Variants in KIR3DL2 observed in about 807,000 individuals in gnomAD.
KIR3DL2 encodes the protein killer cell immunoglobulin like receptor, three Ig domains and long cytoplasmic tail 2, also known as killer cell immunoglobulin-like receptor 3DL2.
In KIR3DL2, 42 loss-of-function variants were observed where a neutral mutation model predicts 41.6. The observed-to-expected ratio is 1.01, with a 90% CI of 0.79 to 1.31. The LOEUF is 1.31. KIR3DL2 is among the 50% of genes most tolerant of loss of function. The pLI is 0.00. For missense variants in KIR3DL2, 728 were observed against 576.8 expected (o/e 1.26, Z -2.68); for synonymous variants, 230 against 221.3 (o/e 1.04, Z -0.35).
At chr19:54,860,398 C>A (rs1378155732) in intron 6 of KIR3DL2, among the ~76,000 whole-genome samples, 8 of 151,952 alleles carry the variant, frequency 5.3e-5, no homozygotes, top group Non-Finnish European at 1.2e-4. Flanking sequence ...TGAGACGGAG[C>A]CTTGCTCTGT....
rs578221244 is a variant in KIR3DL2 at position 54,863,349 on chromosome 19, A to T, written c.1001-2456A>T. ...ATGTGTCTTTATAGCAGCATGATTT[A>T]TAGTCCTTTGGGTTTATACCCAGTA... is the stretch of plus-strand genomic sequence containing the variant. On this transcript the variant is annotated intron_variant, in intron 6 of 8. Coordinates refer to ENST00000326321, the MANE Select transcript of KIR3DL2 (RefSeq NM_006737.4). 7.3e-4 allele frequency among the ~76,000 whole-genome samples: 111 copies of T among 152,152 alleles called. 1 individual carries two copies. The highest frequency in any genetic ancestry group is 1.2e-4 in the Non-Finnish European group (8 of 67,986).
At chr19:54,863,017 C>A (rs12980151) in intron 6 of KIR3DL2, among the ~76,000 whole-genome samples, 15,809 of 86,286 alleles carry the variant, frequency 0.18, 1,862 homozygotes, top group South Asian at 0.28. Context: ...CCCCCCACCC[C>A]ACAACAGTCC....
rs139305123 is a variant in KIR3DL2, at chr19:54,866,723, G to A, written c.1360G>A (p.Val454Ile). The A allele has an allele frequency of 6.2e-7, 1 of 1,613,538 alleles. No individual in the cohort carries two copies. Among genetic ancestry groups the A allele is most frequent in the South Asian group, 1.1e-5 (1 of 91,034 alleles). ...AGCACCACAGTCAGGTCTTGAGGGG[G>A]TTTTCTAGGGAGACAACAGCCCTGT... ...PRAPQSGLEG[V>I]F is the part of the protein sequence containing the mutation. The change falls in exon 9 of 9, where the codon GTT becomes ATT. Residue 454 changes from valine (V) to isoleucine (I), a missense_variant. By Grantham distance (29) the Val-to-Ile change is conservative. Coordinates refer to ENST00000326321, the MANE Select transcript of KIR3DL2 (RefSeq NM_006737.4).
intron 6 of KIR3DL2, among the ~76,000 whole-genome samples, chr19:54,862,888 G>A (rs554500636): frequency 4.0e-4 from 56 of 140,516 alleles, no homozygotes; most frequent in African/African-American, 1.4e-3. Context: ...AAGTTTTAGG[G>A]TACATGTGCA....
chr19:54,853,997 C>A lies in KIR3DL2; in HGVS notation c.606C>A (p.Ser202=), dbSNP rs760376372. 2 of 1,613,238 alleles carry A rather than the reference C, an allele frequency of 1.2e-6. No homozygotes were observed. Among genetic ancestry groups the A allele is most frequent in the South Asian group, 2.2e-5 (2 of 91,082 alleles). ...GATGTTATGGTTCTGTTCCTCACTC[C>A]CCCTATCAGTTGTCAGCTCCCAGTG... ...TYRCYGSVPH[S]PYQLSAPSDP... is the part of the protein sequence containing the mutation. The change falls in exon 4 of 9, where the codon TCC becomes TCA. Residue 202 remains serine, a synonymous_variant. Transcript: ENST00000326321.
intron 6 of KIR3DL2, among the ~76,000 whole-genome samples, chr19:54,862,429 C>T (rs1459394369): frequency 2.0e-5 from 3 of 152,054 alleles, no homozygotes; most frequent in Non-Finnish European, 4.4e-5. Context: ...TATCACTCAC[C>T]GTCACTCCAG....
At chr19:54,853,184 G>T in intron 3 of KIR3DL2, among the ~76,000 whole-genome samples, 1 of 151,590 alleles carries the variant, frequency 6.6e-6, no homozygotes, top group East Asian at 1.9e-4. Context: ...GCAAGGGTGG[G>T]ATGCTGATGC....
At chr19:54,850,956 A>G (rs576486530) in intron 1 of KIR3DL2, among the ~76,000 whole-genome samples, 1 of 134,252 alleles carries the variant, frequency 7.4e-6, no homozygotes, top group African/African-American at 2.9e-5. Context: ...CCTGGAGTGG[A>G]GATATGGGCC....
rs112285378 is a variant in KIR3DL2, at chr19:54,853,847, C to T, written c.456C>T (p.His152=). 128,431 of 1,613,160 alleles carry T rather than the reference C, an allele frequency of 0.08. 6,406 individuals carry two copies. Among genetic ancestry groups the T allele is most frequent in the South Asian group, 0.14 (12,780 of 91,076 alleles). Residue 152 remains histidine (H), a synonymous_variant, in exon 4 of 9, where the codon CAC becomes CAT. Transcript: ENST00000326321. ...GTTGGTCAGATGTCATGTTTGAGCA[C>T]TTCTTTCTGCACAGAGAGGGGATCT... ...LQCWSDVMFE[H]FFLHREGISE...
intron 2 of KIR3DL2, among the ~76,000 whole-genome samples, 194 bp downstream of exon 2, chr19:54,851,449 G>A (rs2064228064): frequency 1.3e-5 from 2 of 151,200 alleles, no homozygotes; most frequent in African/African-American, 2.5e-5. Context: ...GAAGACTGGG[G>A]TGAGACTGGG....
In KIR3DL2 at chr19:54,856,056, G is replaced by A. The variant is rs550670071; in HGVS notation, c.949+144G>A. The A allele has an allele frequency of 7.2e-5, 76 of 1,055,858 alleles. 3 individuals are homozygous for A. In the African/African-American group the frequency reaches 1.2e-3, roughly 16 times the overall value. 65.4% of individuals were successfully genotyped at this position (1,055,858 alleles called of 1,614,324 possible). A position where few individuals can be genotyped will look rare whatever the true frequency, so the allele number is the denominator to read the frequency against. On this transcript the variant is annotated intron_variant, in intron 5 of 8. Transcript: ENST00000326321. ...GAGGGGGGGGTCAGGGTGCAGGATG[G>A]CAGACAGGGCACCTCCAAACCCTCT...
intron 6 of KIR3DL2, 120 bp from the exon 7 acceptor site, chr19:54,865,685 C>A: frequency 1.2e-6 from 1 of 847,284 alleles, no homozygotes; most frequent in South Asian, 1.5e-5. Context: ...GGTCTCCCGC[C>A]ATCAGGCTGC....
Position 54,865,818 on chromosome 19 carries a change from C to T in KIR3DL2, c.1014C>T (p.His338=), listed in dbSNP as rs369288132. 4.3e-6 allele frequency: 7 copies of T among 1,613,126 alleles called. No homozygotes were observed. Among genetic ancestry groups the T allele is most frequent in the Non-Finnish European group, 5.9e-6 (7 of 1,179,162 alleles). The change falls in exon 7 of 9, where the codon CAC becomes CAT. Residue 338 remains histidine (H), a synonymous_variant. Coordinates refer to ENST00000326321, the MANE Select transcript of KIR3DL2 (RefSeq NM_006737.4). ...EPSSKSGICR[H]LHVLIGTSVV... ...ATCTTCCTCCAGGTATCTGCAGACA[C>T]CTGCATGTTCTGATTGGGACCTCAG...
In KIR3DL2 at chr19:54,865,790, C is replaced by T. The variant is rs760593377; in HGVS notation, c.1001-15C>T. The stretch of plus-strand genomic sequence containing the variant: ...GCTATGATTAGCTTCTTATTGGATT[C>T]CCATCTTCCTCCAGGTATCTGCAGA... On this transcript the variant is annotated splice_polypyrimidine_tract_variant and intron_variant, in intron 6 of 8. Transcript: ENST00000326321. 6.3e-7 allele frequency: 1 copy of T among 1,594,776 alleles called. No individual in the cohort carries two copies.
At chr19:54,865,682 C>T (rs147196695) in intron 6 of KIR3DL2, 123 bp from the exon 7 acceptor site, 49 of 821,888 alleles carry the variant, frequency 6.0e-5, no homozygotes, top group African/African-American at 1.9e-4. Context: ...CTGGGTCTCC[C>T]GCCATCAGGC....
intron 5 of KIR3DL2, among the ~76,000 whole-genome samples, chr19:54,857,358 T>C (rs1156335721): frequency 6.6e-6 from 1 of 151,438 alleles, no homozygotes; most frequent in African/African-American, 2.4e-5. Context: ...CCCAAAGTGC[T>C]GAAGTTACAG....
At chr19:54,853,325 A>G (rs1164940951) in intron 3 of KIR3DL2, among the ~76,000 whole-genome samples, 1 of 151,652 alleles carries the variant, frequency 6.6e-6, no homozygotes, top group East Asian at 1.9e-4. Context: ...CCCATCAGGA[A>G]CAGGGTGTGT....
At chr19:54,862,863 T>G (rs1463321909) in intron 6 of KIR3DL2, among the ~76,000 whole-genome samples, 1 of 149,180 alleles carries the variant, frequency 6.7e-6, no homozygotes, top group Non-Finnish European at 1.5e-5. Flanking sequence ...AAAATTTTTA[T>G]TATTATTATA....
chr19:54,866,371 T>C lies in KIR3DL2; in HGVS notation c.1107T>C (p.Asn369=). ...LLYRWCSNKK[N]AAVMDQEPAG... is the part of the protein sequence containing the mutation. Reference sequence around the variant, plus strand: ...TTTGATGACTTCCGTCTCCTACAGATGCTGCTGTAATGGACCAAGAGCCTG... The same window carrying C: ...TTTGATGACTTCCGTCTCCTACAGACGCTGCTGTAATGGACCAAGAGCCTG... Residue 369 remains asparagine, a splice_region_variant and synonymous_variant, in exon 8 of 9, where the codon AAT becomes AAC. Transcript: ENST00000326321. 1 of 1,613,924 alleles carries C rather than the reference T, an allele frequency of 6.2e-7. No individual in the cohort carries two copies. Among genetic ancestry groups the C allele is most frequent in the Non-Finnish European group, 8.5e-7 (1 of 1,179,952 alleles).
Sources: gnomAD v4.1 joint callset for allele counts (sites outside exome capture counted in the v4.1 genomes callset) on GRCh38, gnomAD v4.1.1 for gene constraint, MANE v1.5 for transcripts, NCBI Gene and HGNC (gene_info 2026-07-23, HGNC 2026-07-21) for gene names.